The following ARHGEF11 variants were observed in gnomAD, a reference collection of about 807,000 sequenced individuals.
ARHGEF11 encodes Rho guanine nucleotide exchange factor 11, also known as Rho guanine exchange factor (GEF) 11.
In ARHGEF11, 55 loss-of-function variants were observed where a neutral mutation model predicts 193.7. The ratio of observed to expected loss-of-function variants is 0.28; its 90% confidence interval spans 0.23 to 0.36. The LOEUF is 0.36. Ranked by LOEUF, ARHGEF11 falls within the 10% of genes least tolerant of loss-of-function variation. The pLI, the probability that ARHGEF11 is intolerant of heterozygous loss-of-function variation, is 1.00. For synonymous variants in ARHGEF11, 693 were observed against 768.0 expected, an observed-to-expected ratio of 0.90 and a Z score of 1.62; for missense variants, 1,723 against 2,005.6, an observed-to-expected ratio of 0.86 and a Z score of 2.69.
At chr1:157,034,699 T>C (rs544556019) in intron 1 of ARHGEF11, among the ~76,000 whole-genome samples, 8 of 151,902 alleles carry the variant, frequency 5.3e-5, no homozygotes, top group Non-Finnish European at 1.0e-4. Flanking sequence ...CCCAGAACAA[T>C]GAGGAGACAC....
At chr1:157,018,470 C>T (rs1008610540) in intron 1 of ARHGEF11, among the ~76,000 whole-genome samples, 5 of 151,730 alleles carry the variant, frequency 3.3e-5, no homozygotes, top group East Asian at 3.9e-4. Context: ...GGTGAAACCC[C>T]GTCTCTACTA....
intron 1 of ARHGEF11, among the ~76,000 whole-genome samples, chr1:157,013,259 T>TCACACA (rs567488551): frequency 0.025 from 2,736 of 109,518 alleles, 119 homozygotes; most frequent in Admixed American, 0.07. Context: ...CTCCCCACTA[T>TCACACA]CACTCACACA....
At chr1:156,936,774 TC>T in intron 40 of ARHGEF11, 41 bp downstream of exon 40, 1 of 1,584,176 alleles carries the variant, frequency 6.3e-7, no homozygotes, top group African/African-American at 1.3e-5. Context: ...GGCAGACTTC[TC>T]CCCCAATGGT....
At chr1:157,014,943 CTT>C (rs940559556) in intron 1 of ARHGEF11, among the ~76,000 whole-genome samples, 2 of 152,166 alleles carry the variant, frequency 1.3e-5, no homozygotes, top group African/African-American at 4.8e-5. Context: ...CCTTCAGTCT[CTT>C]TTAGATTTCA....
intron 38 of ARHGEF11, among the ~76,000 whole-genome samples, 161 bp from the exon 39 acceptor site, chr1:156,937,657 C>T (rs1411158615): frequency 2.6e-5 from 4 of 152,182 alleles, no homozygotes; most frequent in Admixed American, 2.6e-4. Flanking sequence ...TGCCAGCCCC[C>T]TAAAAGCCCT....
At chr1:157,009,186 C>T (rs922574445) in intron 1 of ARHGEF11, among the ~76,000 whole-genome samples, 1 of 152,158 alleles carries the variant, frequency 6.6e-6, no homozygotes, top group African/African-American at 2.4e-5. Context: ...AAAATCATGA[C>T]TTTTAGGGGA....
intron 1 of ARHGEF11, among the ~76,000 whole-genome samples, chr1:156,993,683 C>T (rs1474128284): frequency 6.6e-6 from 1 of 152,146 alleles, no homozygotes; most frequent in Non-Finnish European, 1.5e-5. Context: ...TCAGCAGGCT[C>T]CTGGCACCCT....
At chr1:156,963,489 T>A (rs1243836863) in intron 12 of ARHGEF11, 31 bp downstream of exon 12, 1 of 1,601,786 alleles carries the variant, frequency 6.2e-7, no homozygotes, top group South Asian at 1.1e-5. Context: ...CAAAAAAAAA[T>A]GATGAAAGGA....
In ARHGEF11 at chr1:156,947,389, G is replaced by A. The variant is rs1368580523; in HGVS notation, c.2403C>T (p.Tyr801=). Residue 801 remains tyrosine (Y), a synonymous_variant, in exon 26 of 41, where the codon TAC becomes TAT. Coordinates refer to ENST00000368194, the MANE Select transcript of ARHGEF11 (RefSeq NM_198236.3). ...TCAGGTTCTCCTTCTTCATTCGCTG[G>A]TAGAAGATCAGGTCCAGGACCCGGA... ...RTLRVLDLIF[Y]QRMKKENLMP... 5 of 1,614,046 alleles carry A rather than the reference G, an allele frequency of 3.1e-6. No individual in the cohort carries two copies. The highest frequency in any genetic ancestry group is 1.1e-5 in the South Asian group (1 of 91,070).
At chr1:156,994,391 T>TG (rs1023342917) in intron 1 of ARHGEF11, among the ~76,000 whole-genome samples, 8 of 26,790 alleles carry the variant, frequency 3.0e-4, no homozygotes, top group African/African-American at 6.9e-4. Flanking sequence ...TTTTATTGTG[T>TG]GTTTTTTTTT....
intron 33 of ARHGEF11, 107 bp from the exon 34 acceptor site, chr1:156,942,096 C>T (rs1657122562): frequency 1.3e-6 from 2 of 1,554,056 alleles, no homozygotes; most frequent in African/African-American, 2.7e-5. Context: ...TAAGAACCCT[C>T]TGCCTGGCAG....
intron 4 of ARHGEF11, among the ~76,000 whole-genome samples, chr1:156,979,842 T>A (rs887006009): frequency 1.3e-5 from 2 of 152,238 alleles, no homozygotes; most frequent in Admixed American, 6.5e-5. Context: ...AATTTGTTCA[T>A]TCATTCACTT....
intron 1 of ARHGEF11, among the ~76,000 whole-genome samples, chr1:157,025,222 C>T (rs1240589690): frequency 3.3e-5 from 5 of 152,214 alleles, no homozygotes; most frequent in South Asian, 2.1e-4. Context: ...CTTTACTCTT[C>T]CTTTCAAGTG....
chr1:156,981,090 G>A (rs1207983077), intron 3 of ARHGEF11, among the ~76,000 whole-genome samples: 4 of 151,560 alleles, frequency 2.6e-5, no homozygotes, highest in African/African-American at 7.3e-5. Flanking sequence ...GTGCAGAGGC[G>A]TGATCTCAGC....
At chr1:156,984,489 T>C (rs1238676741) in intron 2 of ARHGEF11, 52 bp from the exon 3 acceptor site, 3 of 1,435,478 alleles carry the variant, frequency 2.1e-6, no homozygotes. Flanking sequence ...GAGGTTAGTG[T>C]ACACATGCCA....
intron 1 of ARHGEF11, 119 bp from the exon 2 acceptor site, chr1:156,986,292 C>T (rs1250602410): frequency 7.1e-6 from 5 of 708,498 alleles, no homozygotes; most frequent in Non-Finnish European, 1.2e-5. Context: ...CCAACCTACC[C>T]GCCCTGTAAC....
At chr1:157,023,631 T>G (rs1160384343) in intron 1 of ARHGEF11, among the ~76,000 whole-genome samples, 2 of 152,136 alleles carry the variant, frequency 1.3e-5, no homozygotes, top group Non-Finnish European at 2.9e-5. Context: ...CCAGACGCAG[T>G]GGCATGCGCC....
intron 1 of ARHGEF11, among the ~76,000 whole-genome samples, chr1:157,022,482 C>T (rs1670110712): frequency 6.6e-6 from 1 of 152,052 alleles, no homozygotes; most frequent in Non-Finnish European, 1.5e-5. Flanking sequence ...AAGTGCAAGA[C>T]TTGTACACTG....
rs372892288 is a variant in ARHGEF11, at chr1:156,984,069, G to A, written c.223+270C>T. On this transcript the variant is annotated intron_variant, in intron 3 of 40. Transcript: ENST00000368194. ...TGACCCAGTATGAGGGGCTCCCTTC[G>A]ATGGCAATCAGACATCTGCCTGATG... is the stretch of plus-strand genomic sequence containing the variant. Among the ~76,000 whole-genome samples, 14 of 152,304 alleles carry A rather than the reference G, an allele frequency of 9.2e-5. No individual in the cohort carries two copies. In the East Asian group the frequency reaches 2.5e-3, roughly 27 times the overall value.
Sources: gnomAD v4.1 joint callset for allele counts (sites outside exome capture counted in the v4.1 genomes callset) on GRCh38, gnomAD v4.1.1 for gene constraint, MANE v1.5 for transcripts, NCBI Gene and HGNC (gene_info 2026-07-23, HGNC 2026-07-21) for gene names.